CEP57: variants seen among roughly 807,000 people sequenced by gnomAD.
The protein encoded by CEP57 is centrosomal protein of 57 kDa.
CEP57 carries 40 observed loss-of-function variants against 68.0 expected under a neutral mutation model. The observed-to-expected ratio is 0.59, with a 90% CI of 0.46 to 0.77. CEP57 has a LOEUF of 0.77. Among genes scored for constraint, CEP57 ranks in the 30% least tolerant of loss-of-function variants. CEP57 has a pLI of 0.00. For synonymous variants in CEP57, 219 were observed against 198.7 expected (o/e 1.10, Z -0.86); for missense variants, 606 against 580.7 (o/e 1.04, Z -0.45).
rs1379170788 is a variant in CEP57, at chr11:95,822,524, CACA to C, written c.836_838del (p.Gln279del). 6.2e-6 allele frequency: 10 copies of C among 1,613,408 alleles called. No individual in the cohort carries two copies. In the African/African-American group the frequency reaches 1.2e-4, roughly 19 times the overall value. ...AAAAGTTCTAGGAACTATTTTGGTG[CACA>C]ACCACATTATAGATTATGCTTGGGT... On this transcript the variant is annotated inframe_deletion, in exon 8 of 11. Coordinates refer to ENST00000325542, the MANE Select transcript of CEP57 (RefSeq NM_014679.5).
At chr11:95,792,482 A>C (rs140585651) in intron 1 of CEP57, among the ~76,000 whole-genome samples, 12 of 152,346 alleles carry the variant, frequency 7.9e-5, no homozygotes, top group Non-Finnish European at 1.6e-4. Context: ...TGTCTCCATA[A>C]AATAAAATAT....
intron 8 of CEP57, among the ~76,000 whole-genome samples, chr11:95,823,818 G>A (rs751502889): frequency 2.1e-4 from 32 of 152,074 alleles, no homozygotes; most frequent in Non-Finnish European, 3.7e-4. Flanking sequence ...AGTCAATTGT[G>A]TATCACAGTA....
At chr11:95,817,692 T>C in intron 4 of CEP57, 95 bp from the exon 5 acceptor site, 3 of 830,116 alleles carry the variant, frequency 3.6e-6, no homozygotes, top group Non-Finnish European at 6.4e-6. Flanking sequence ...AGTAGTTATG[T>C]GAAGGGCCAA....
chr11:95,818,564 C>T (rs906047518), intron 5 of CEP57, among the ~76,000 whole-genome samples: 2 of 152,030 alleles, frequency 1.3e-5, no homozygotes, highest in African/African-American at 4.8e-5. Flanking sequence ...CCTCCCTATC[C>T]CTCTTTACAT....
At chr11:95,830,385 G>A (rs956518344) in intron 10 of CEP57, among the ~76,000 whole-genome samples, 6 of 152,152 alleles carry the variant, frequency 3.9e-5, no homozygotes, top group South Asian at 2.1e-4. Context: ...GGAGTAAGGA[G>A]TAATGGTCTA....
intron 2 of CEP57, among the ~76,000 whole-genome samples, chr11:95,807,596 A>G (rs1037720346): frequency 6.6e-6 from 1 of 152,214 alleles, no homozygotes; most frequent in African/African-American, 2.4e-5. Flanking sequence ...AGCCGATTCA[A>G]TCAAGTGGAA....
intron 2 of CEP57, among the ~76,000 whole-genome samples, chr11:95,811,227 A>G (rs1255223): frequency 0.28 from 42,227 of 152,098 alleles, 7,054 homozygotes; most frequent in Non-Finnish European, 0.38. Flanking sequence ...TGGCACATAT[A>G]CACCATGGAA....
Position 95,822,507 on chromosome 11 carries a change from T to C in CEP57, c.816T>C (p.Ser272=). ...KKSKPPEKKS[S]RNYFGAQPHY... ...CTTTTCTTTTCATTCAGAAAAGTTC[T>C]AGGAACTATTTTGGTGCACAACCAC... The change falls in exon 8 of 11, where the codon TCT becomes TCC. Residue 272 remains serine, a synonymous_variant. Coordinates refer to ENST00000325542, the MANE Select transcript of CEP57 (RefSeq NM_014679.5). 1.9e-6 allele frequency: 3 copies of C among 1,612,464 alleles called. No homozygotes were observed. The highest frequency in any genetic ancestry group is 2.5e-6 in the Non-Finnish European group (3 of 1,178,580).
At chr11:95,827,111 A>G (rs906041285) in intron 8 of CEP57, 22 of 152,240 alleles carry the variant, frequency 1.4e-4, no homozygotes, top group African/African-American at 3.9e-4. Flanking sequence ...CCAGCCATCT[A>G]TTTATAAAGT....
chr11:95,803,769 A>T (rs1472146321), intron 2 of CEP57, among the ~76,000 whole-genome samples: 1 of 151,422 alleles, frequency 6.6e-6, no homozygotes, highest in Non-Finnish European at 1.5e-5. Context: ...AGCAGGAAAC[A>T]TTACTAAAAA....
At chr11:95,795,494 T>C in intron 1 of CEP57, 1 of 351,930 alleles carries the variant, frequency 2.8e-6, no homozygotes, top group Non-Finnish European at 4.6e-6. Flanking sequence ...TTAATAGCTG[T>C]TATTCTTTTT....
Position 95,790,741 on chromosome 11 carries a change from T to C in CEP57, c.43T>C (p.Ser15Pro), listed in dbSNP as rs1432430536. ...SVSAASGSHLSNSFAEPSRSN... is the reference protein window; with the variant it reads ...SVSAASGSHLPNSFAEPSRSN... ...CTCTGCGGCTTCTGGTTCTCACTTG[T>C]CGGTAAGAAGCAGTTGGCGCGAGTG... Residue 15 changes from serine (S) to proline (P), a missense_variant and splice_region_variant, in exon 1 of 11, where the codon TCG becomes CCG. Coordinates refer to ENST00000325542, the MANE Select transcript of CEP57 (RefSeq NM_014679.5). 1 of 1,613,928 alleles carries C rather than the reference T, an allele frequency of 6.2e-7. No individual in the cohort carries two copies. Among genetic ancestry groups the C allele is most frequent in the Non-Finnish European group, 8.5e-7 (1 of 1,180,000 alleles).
At chr11:95,822,677 G>GTGCCTTTAACAGTGTGTGGATCA in intron 8 of CEP57, 101 bp downstream of exon 8, 3 of 887,478 alleles carry the variant, frequency 3.4e-6, no homozygotes, top group South Asian at 1.3e-5. Flanking sequence ...ACATTTTTCT[G>GTGCCTTTAACAGTGTGTGGATCA]TGCCTTTACC....
upstream of CEP57, chr11:95,790,368 G>A: frequency 2.2e-6 from 1 of 452,650 alleles, no homozygotes; most frequent in East Asian, 4.0e-5. Flanking sequence ...CCCCGGCGTT[G>A]TCTGCCCCAG....
At chr11:95,819,330 C>T (rs868835859) in intron 6 of CEP57, among the ~76,000 whole-genome samples, 2 of 152,082 alleles carry the variant, frequency 1.3e-5, no homozygotes, top group African/African-American at 4.8e-5. Flanking sequence ...AGCTATTGAC[C>T]CAGACCAGTT....
At chr11:95,805,125 C>T (rs1249145539) in intron 2 of CEP57, among the ~76,000 whole-genome samples, 1 of 152,118 alleles carries the variant, frequency 6.6e-6, no homozygotes, top group Non-Finnish European at 1.5e-5. Flanking sequence ...ACATTGTGTA[C>T]TGTTGGGTAT....
chr11:95,813,715 C>G, intron 4 of CEP57, 126 bp downstream of exon 4: 2 of 1,122,426 alleles, frequency 1.8e-6, no homozygotes, highest in South Asian at 2.7e-5. Flanking sequence ...AATTTCTTGG[C>G]ATCAGTTATG....
intron 6 of CEP57, among the ~76,000 whole-genome samples, chr11:95,819,707 G>C (rs1274314237): frequency 6.6e-6 from 1 of 152,138 alleles, no homozygotes; most frequent in Non-Finnish European, 1.5e-5. Context: ...CCAAGGAGTA[G>C]AGCCTCTGCA....
At position 95,822,506 on chromosome 11, in the gene CEP57, C is replaced by G. The variant is rs749032542; in HGVS notation, c.815C>G (p.Ser272Cys). The stretch of plus-strand genomic sequence containing the variant: ...CCTTTTCTTTTCATTCAGAAAAGTT[C>G]TAGGAACTATTTTGGTGCACAACCA... ...KKSKPPEKKS[S>C]RNYFGAQPHY... The change falls in exon 8 of 11, where the codon TCT (serine) becomes TGT (cysteine). Residue 272 changes from serine (S) to cysteine (C), a missense_variant. Physicochemically the swap from Ser to Cys is moderately radical, Grantham distance 112. Transcript: ENST00000325542. 2.4e-5 allele frequency: 39 copies of G among 1,612,044 alleles called. No individual in the cohort carries two copies. Among genetic ancestry groups the G allele is most frequent in the Non-Finnish European group, 5.1e-6 (6 of 1,178,436 alleles).
Sources: allele counts gnomAD v4.1 joint callset (sites outside exome capture counted in the v4.1 genomes callset), GRCh38; gene constraint gnomAD v4.1.1; transcripts MANE v1.5; gene names NCBI Gene and HGNC (gene_info 2026-07-23, HGNC 2026-07-21).